Variants in AGBL4 observed in about 807,000 individuals in gnomAD.
AGBL4 encodes AGBL carboxypeptidase 4, also known as cytosolic carboxypeptidase 6.
Under a neutral mutation model 66.4 loss-of-function variants are expected in AGBL4, and 58 were observed. The observed-to-expected ratio is 0.87, with a 90% CI of 0.71 to 1.09. AGBL4 has a LOEUF of 1.09. AGBL4 is among the 50% of genes least tolerant of loss of function. The pLI is 0.00. For missense variants in AGBL4, 579 were observed against 631.0 expected (o/e 0.92, Z 0.88); for synonymous variants, 234 against 222.9 (o/e 1.05, Z -0.44).
chr1:49,255,431 T>A (rs1020186387), intron 3 of AGBL4, among the ~76,000 whole-genome samples: 1 of 152,100 alleles, frequency 6.6e-6, no homozygotes, highest in African/African-American at 2.4e-5. Context: ...GCATCACTAA[T>A]CATTAGAGAA....
chr1:48,871,852 A>G (rs1226208757), intron 5 of AGBL4, among the ~76,000 whole-genome samples: 2 of 152,046 alleles, frequency 1.3e-5, no homozygotes, highest in African/African-American at 4.8e-5. Context: ...TTATATTAGT[A>G]CCATGTCACC....
chr1:48,774,993 A>T (rs1369561666), intron 6 of AGBL4, among the ~76,000 whole-genome samples: 1 of 152,230 alleles, frequency 6.6e-6, no homozygotes, highest in East Asian at 1.9e-4. Context: ...GCAAAAGGGA[A>T]GCTAAGGTTA....
intron 2 of AGBL4, among the ~76,000 whole-genome samples, chr1:49,844,496 C>T (rs189319713): frequency 6.6e-6 from 1 of 152,156 alleles, no homozygotes; most frequent in East Asian, 1.9e-4. Flanking sequence ...TCCTTATTTT[C>T]CTCTTCCTTA....
chr1:49,060,837 C>A (rs1178250996), intron 4 of AGBL4, among the ~76,000 whole-genome samples: 1 of 152,176 alleles, frequency 6.6e-6, no homozygotes, highest in Admixed American at 6.5e-5. Flanking sequence ...TGAACTGAGC[C>A]CCCAGTGGAA....
intron 1 of AGBL4, among the ~76,000 whole-genome samples, chr1:49,882,903 A>T (rs1360579517): frequency 6.6e-6 from 1 of 152,190 alleles, no homozygotes; most frequent in Non-Finnish European, 1.5e-5. Flanking sequence ...AGGCTAGTGG[A>T]GAGTCCTATA....
At chr1:49,676,894 A>C (rs76879179) in intron 3 of AGBL4, among the ~76,000 whole-genome samples, 1 of 152,086 alleles carries the variant, frequency 6.6e-6, no homozygotes, top group Non-Finnish European at 1.5e-5. Context: ...TAATAATAAC[A>C]GCAAAGGATG....
chr1:49,215,408 C>T (rs563124362), intron 4 of AGBL4, among the ~76,000 whole-genome samples: 1 of 152,178 alleles, frequency 6.6e-6, no homozygotes, highest in East Asian at 1.9e-4. Context: ...CAAAGATGAA[C>T]TGAATGGTAA....
intron 1 of AGBL4, among the ~76,000 whole-genome samples, chr1:50,019,263 T>TTCTCTCTCTCTCTCTC (rs71059571): frequency 1.2e-5 from 1 of 83,630 alleles, no homozygotes; most frequent in African/African-American, 4.9e-5. Context: ...AAAAAAAATA[T>TTCTCTCTCTCTCTCTC]TCTCTCTCTC....
intron 4 of AGBL4, among the ~76,000 whole-genome samples, chr1:49,230,751 CTTCT>C (rs1650248350): frequency 6.6e-6 from 1 of 152,070 alleles, no homozygotes; most frequent in African/African-American, 2.4e-5. Flanking sequence ...GAGGTTATCC[CTTCT>C]ATTTCAGTTA....
intron 6 of AGBL4, among the ~76,000 whole-genome samples, chr1:48,815,634 T>C (rs1423653205): frequency 6.6e-6 from 1 of 152,182 alleles, no homozygotes; most frequent in East Asian, 1.9e-4. Flanking sequence ...GTGCATAATA[T>C]ATTCTTCATA....
intron 6 of AGBL4, among the ~76,000 whole-genome samples, chr1:48,774,433 C>A (rs1644979811): frequency 6.6e-6 from 1 of 152,160 alleles, no homozygotes; most frequent in East Asian, 1.9e-4. Context: ...CCCAGGAGAT[C>A]AAAATTCAAA....
chr1:48,868,883 G>C (rs1391901391), intron 5 of AGBL4, among the ~76,000 whole-genome samples: 1 of 152,114 alleles, frequency 6.6e-6, no homozygotes, highest in Non-Finnish European at 1.5e-5. Flanking sequence ...CACAATCACT[G>C]TTTCTAGCTA....
chr1:49,345,653 C>T (rs185496707), intron 3 of AGBL4, among the ~76,000 whole-genome samples: 717 of 152,128 alleles, frequency 4.7e-3, no homozygotes, highest in Non-Finnish European at 7.5e-3. Flanking sequence ...GTTTTTCAGT[C>T]AAGAAAACTT....
intron 6 of AGBL4, among the ~76,000 whole-genome samples, chr1:48,701,385 T>C (rs1646798383): frequency 6.6e-6 from 1 of 152,112 alleles, no homozygotes; most frequent in South Asian, 2.1e-4. Context: ...TCTCAGTTTC[T>C]TCATCTATAA....
At chr1:49,754,765 T>A (rs914058079) in intron 2 of AGBL4, among the ~76,000 whole-genome samples, 2 of 152,186 alleles carry the variant, frequency 1.3e-5, no homozygotes, top group African/African-American at 2.4e-5. Context: ...AGCAGGAACA[T>A]TTAAGTCTGC....
At chr1:48,597,964 A>C (rs1285959295) in intron 9 of AGBL4, among the ~76,000 whole-genome samples, 1 of 152,122 alleles carries the variant, frequency 6.6e-6, no homozygotes, top group Non-Finnish European at 1.5e-5. Context: ...AAGGGAGAAA[A>C]ACCAGACATT....
chr1:49,175,187 C>A (rs1242205862), intron 4 of AGBL4: 5 of 151,482 alleles, frequency 3.3e-5, no homozygotes, highest in Non-Finnish European at 5.9e-5. Flanking sequence ...GTTAAAGGTA[C>A]CTAAGAAATT....
At chr1:48,615,791 C>T (rs1245302632) in intron 9 of AGBL4, among the ~76,000 whole-genome samples, 1 of 152,170 alleles carries the variant, frequency 6.6e-6, no homozygotes, top group East Asian at 1.9e-4. Context: ...GATAAAATAC[C>T]TGAGGCTGGG....
At chr1:49,855,220 A>AAT (rs914570259) in intron 1 of AGBL4, among the ~76,000 whole-genome samples, 5 of 151,998 alleles carry the variant, frequency 3.3e-5, no homozygotes, top group East Asian at 3.9e-4. Flanking sequence ...TGATATAACA[A>AAT]ATATATATAT....
Sources: allele counts gnomAD v4.1 joint callset (sites outside exome capture counted in the v4.1 genomes callset), GRCh38; gene constraint gnomAD v4.1.1; transcripts MANE v1.5; gene names NCBI Gene and HGNC (gene_info 2026-07-23, HGNC 2026-07-21).